SCHIP1: variants seen among roughly 807,000 people sequenced by gnomAD.
The protein encoded by SCHIP1 is schwannomin-interacting protein 1.
In SCHIP1, 8 loss-of-function variants were observed where a neutral mutation model predicts 29.7. The ratio of observed to expected loss-of-function variants is 0.27; its 90% CI spans 0.16 to 0.49. SCHIP1 has a LOEUF of 0.49. Among genes scored for constraint, SCHIP1 ranks in the 20% least tolerant of loss-of-function variants. The probability of loss-of-function intolerance (pLI) is 0.99; values close to 1 mark genes in which losing one functional copy is unlikely to be tolerated. For synonymous variants in SCHIP1, 76 were observed against 94.9 expected (o/e 0.80, Z 1.16); for missense variants, 193 against 294.6 (o/e 0.66, Z 2.52).
chr3:159,871,039 T>C (rs906602187), intron 2 of SCHIP1, among the ~76,000 whole-genome samples: 6 of 152,120 alleles, frequency 3.9e-5, no homozygotes, highest in Non-Finnish European at 8.8e-5. Flanking sequence ...TAGGAATATG[T>C]CCATTTTGTT....
the SCHIP1 span, among the ~76,000 whole-genome samples, chr3:159,734,196 G>A: frequency 7.2e-6 from 1 of 139,664 alleles, no homozygotes; most frequent in African/African-American, 2.7e-5. Flanking sequence ...AGACTGGAGT[G>A]CAATGGCGCA....
At chr3:159,721,220 T>C in the SCHIP1 span, among the ~76,000 whole-genome samples, 34 of 152,328 alleles carry the variant, frequency 2.2e-4, no homozygotes, top group African/African-American at 7.7e-4. Context: ...CATGGACACA[T>C]AGTTGCTTCC....
chr3:159,441,505 A>G, the SCHIP1 span, among the ~76,000 whole-genome samples: 1 of 151,848 alleles, frequency 6.6e-6, no homozygotes, highest in African/African-American at 2.4e-5. Flanking sequence ...GGGAAGGGGG[A>G]GGAGGAGAAG....
At chr3:159,678,760 C>T in the SCHIP1 span, among the ~76,000 whole-genome samples, 5 of 152,138 alleles carry the variant, frequency 3.3e-5, no homozygotes, top group Admixed American at 2.0e-4. Flanking sequence ...TCCACATGGC[C>T]GGGGAGGCCT....
chr3:159,770,165 T>C, the SCHIP1 span, among the ~76,000 whole-genome samples: 5 of 152,258 alleles, frequency 3.3e-5, no homozygotes, highest in Admixed American at 6.5e-5. Context: ...GTGTTCCATT[T>C]TGTGGATATA....
chr3:159,295,268 A>AC, the SCHIP1 span, among the ~76,000 whole-genome samples: 1 of 144,890 alleles, frequency 6.9e-6, no homozygotes, highest in Non-Finnish European at 1.5e-5. Flanking sequence ...AAAAAAAAAA[A>AC]AAAAAAAACA....
chr3:159,764,974 G>C, the SCHIP1 span: 1 of 1,498,106 alleles, frequency 6.7e-7, no homozygotes, highest in Non-Finnish European at 8.9e-7. This position sits in a 1 kb window ranked among gnomAD's most constrained non-coding sequence, Gnocchi z 6.1. Context: ...CGGCCCGGCG[G>C]CTGGGGGGCT....
At chr3:159,858,742 C>T (rs1283888450) in intron 1 of SCHIP1, among the ~76,000 whole-genome samples, 1 of 152,202 alleles carries the variant, frequency 6.6e-6, no homozygotes, top group African/African-American at 2.4e-5. Flanking sequence ...CAGAGTCCTT[C>T]CCCTTGGGTG....
At chr3:159,372,683 G>T in the SCHIP1 span, among the ~76,000 whole-genome samples, 2 of 151,972 alleles carry the variant, frequency 1.3e-5, no homozygotes. Flanking sequence ...GCTAAGAATG[G>T]GTTTGAGGGT....
chr3:159,559,586 T>A, the SCHIP1 span, among the ~76,000 whole-genome samples: 1 of 152,178 alleles, frequency 6.6e-6, no homozygotes, highest in Non-Finnish European at 1.5e-5. Flanking sequence ...AAATCTTAAG[T>A]GTATATCTGC....
the SCHIP1 span, among the ~76,000 whole-genome samples, chr3:159,528,893 C>T: frequency 6.6e-6 from 1 of 152,142 alleles, no homozygotes; most frequent in African/African-American, 2.4e-5. Flanking sequence ...CTCACCAGAA[C>T]ACTCCAATCT....
At chr3:159,681,738 A>C in the SCHIP1 span, among the ~76,000 whole-genome samples, 1 of 152,126 alleles carries the variant, frequency 6.6e-6, no homozygotes, top group African/African-American at 2.4e-5. Flanking sequence ...TATCAGTTGG[A>C]CTTTAACCAA....
chr3:159,614,476 G>T, the SCHIP1 span, among the ~76,000 whole-genome samples: 1 of 151,664 alleles, frequency 6.6e-6, no homozygotes, highest in Non-Finnish European at 1.5e-5. Context: ...TTTTCACCCC[G>T]TGTGTGGGTC....
At chr3:159,367,284 C>T in the SCHIP1 span, among the ~76,000 whole-genome samples, 9 of 151,772 alleles carry the variant, frequency 5.9e-5, no homozygotes, top group African/African-American at 1.2e-4. Flanking sequence ...CCCAGCTGCT[C>T]GGGAGGCTGA....
chr3:159,695,659 T>C, the SCHIP1 span, among the ~76,000 whole-genome samples: 2 of 152,172 alleles, frequency 1.3e-5, no homozygotes, highest in Non-Finnish European at 2.9e-5. Context: ...CTTGGCTACA[T>C]ACTGGTTAAA....
the SCHIP1 span, among the ~76,000 whole-genome samples, chr3:159,513,026 A>G: frequency 5.3e-5 from 8 of 152,256 alleles, no homozygotes; most frequent in African/African-American, 1.9e-4. Flanking sequence ...ATCAAATTGG[A>G]TAACTCTCAA....
the SCHIP1 span, among the ~76,000 whole-genome samples, chr3:159,646,365 G>A: frequency 6.6e-6 from 1 of 152,146 alleles, no homozygotes. Flanking sequence ...GCAGTGTAAT[G>A]TCTTACCACT....
the SCHIP1 span, among the ~76,000 whole-genome samples, chr3:159,631,347 T>G: frequency 2.6e-5 from 4 of 152,238 alleles, no homozygotes; most frequent in African/African-American, 9.6e-5. Flanking sequence ...AAGTATATAC[T>G]CAAAAGAATT....
the SCHIP1 span, among the ~76,000 whole-genome samples, chr3:159,581,450 C>T: frequency 6.6e-6 from 1 of 152,188 alleles, no homozygotes; most frequent in Non-Finnish European, 1.5e-5. Context: ...CTTTCTACTT[C>T]AGCCTAATAC....
Sources: allele counts gnomAD v4.1 joint callset (sites outside exome capture counted in the v4.1 genomes callset), GRCh38; gene constraint gnomAD v4.1.1; non-coding constraint Gnocchi (gnomAD v3.1); transcripts MANE v1.5; gene names NCBI Gene and HGNC (gene_info 2026-07-23, HGNC 2026-07-21).